The following GNAL variants were observed in gnomAD, a reference collection of about 807,000 sequenced individuals.
GNAL encodes guanine nucleotide-binding protein G(olf) subunit alpha.
Under a neutral mutation model 55.1 loss-of-function variants are expected in GNAL, and 18 were observed. The observed-to-expected ratio is 0.33, with a 90% confidence interval of 0.23 to 0.48. The LOEUF (loss-of-function observed/expected upper bound fraction) is 0.48, where lower values mean the gene tolerates loss of function less well. GNAL is among the 20% of genes least tolerant of loss of function. The probability of loss-of-function intolerance (pLI) is 0.99; values close to 1 mark genes in which losing one functional copy is unlikely to be tolerated. For missense variants in GNAL, 412 were observed against 614.1 expected, an observed-to-expected ratio of 0.67 and a Z score of 3.48; for synonymous variants, 253 against 237.0, an observed-to-expected ratio of 1.07 and a Z score of -0.62.
At chr18:11,739,813 A>G (rs1312505964) in intron 1 of GNAL, among the ~76,000 whole-genome samples, 1 of 150,760 alleles carries the variant, frequency 6.6e-6, no homozygotes, top group Non-Finnish European at 1.5e-5. Flanking sequence ...GTGATGACCC[A>G]ATTTGGTGTC....
chr18:11,789,991 A>T (rs1360231898), intron 4 of GNAL, among the ~76,000 whole-genome samples: 1 of 152,274 alleles, frequency 6.6e-6, no homozygotes, highest in Non-Finnish European at 1.5e-5. Context: ...GGTCAGACTC[A>T]GATCACTGAT....
At chr18:11,724,897 G>C (rs2032178860) in intron 1 of GNAL, among the ~76,000 whole-genome samples, 1 of 152,146 alleles carries the variant, frequency 6.6e-6, no homozygotes, top group African/African-American at 2.4e-5. Context: ...CAAAATCCTA[G>C]AGACTTGTGC....
In GNAL at chr18:11,796,596, C is replaced by CAAA. The variant is rs1334256873; in HGVS notation, c.625-28320_625-28318dup. On this transcript the variant is annotated intron_variant, in intron 4 of 11. Transcript: ENST00000334049. ...CTCACAAAAAAAAAAAAAAAAAAAACAAAACACGCAACCTTTCCATTGTCC... is the reference window on the plus strand; with the variant it reads ...CTCACAAAAAAAAAAAAAAAAAAAACAAAAAAACACGCAACCTTTCCATTGTCC... Among the ~76,000 whole-genome samples, 24 of 129,176 alleles carry CAAA rather than the reference C, an allele frequency of 1.9e-4. 4 individuals carry two copies. The highest frequency in any genetic ancestry group is 6.9e-4 in the East Asian group (3 of 4,374). The allele number at this position is 129,176 out of a possible 152,430, so 84.7% of individuals were successfully genotyped here.
At chr18:11,859,683 C>T (rs2036086551) in intron 5 of GNAL, among the ~76,000 whole-genome samples, 1 of 152,192 alleles carries the variant, frequency 6.6e-6, no homozygotes, top group Non-Finnish European at 1.5e-5. Flanking sequence ...GATCAGGGTC[C>T]CTTTGGCCTC....
chr18:11,768,189 T>G (rs2033471954), intron 4 of GNAL, among the ~76,000 whole-genome samples: 1 of 152,216 alleles, frequency 6.6e-6, no homozygotes, highest in African/African-American at 2.4e-5. Context: ...TAAATGTACA[T>G]AAAGCCACGT....
chr18:11,818,685 G>A (rs1009804444), intron 4 of GNAL, among the ~76,000 whole-genome samples: 3 of 152,318 alleles, frequency 2.0e-5, no homozygotes, highest in Admixed American at 6.5e-5. Flanking sequence ...GTGTCTGACC[G>A]AGGCTTTCAC....
chr18:11,729,824 G>T (rs557456101), intron 1 of GNAL, among the ~76,000 whole-genome samples: 3 of 152,114 alleles, frequency 2.0e-5, no homozygotes, highest in African/African-American at 7.2e-5. Context: ...TGATTAAGTC[G>T]CCCCGAGGCA....
At chr18:11,784,564 G>T (rs1254785637) in intron 4 of GNAL, among the ~76,000 whole-genome samples, 1 of 152,208 alleles carries the variant, frequency 6.6e-6, no homozygotes, top group Non-Finnish European at 1.5e-5. Context: ...GAAGCAGATT[G>T]TATAATTTTG....
chr18:11,739,689 A>G (rs1205507828), intron 1 of GNAL, among the ~76,000 whole-genome samples: 2 of 150,784 alleles, frequency 1.3e-5, no homozygotes, highest in Non-Finnish European at 3.0e-5. Context: ...CCTGACTTAA[A>G]TTCAGGAAAT....
chr18:11,812,762 T>G (rs2034849861), intron 4 of GNAL, among the ~76,000 whole-genome samples: 1 of 151,600 alleles, frequency 6.6e-6, no homozygotes, highest in Non-Finnish European at 1.5e-5. Flanking sequence ...GAGAATCACT[T>G]GAACCTGGGA....
chr18:11,727,719 T>G (rs541691989), intron 1 of GNAL, among the ~76,000 whole-genome samples: 1 of 152,372 alleles, frequency 6.6e-6, no homozygotes, highest in South Asian at 2.1e-4. Context: ...GGAGGAGTTT[T>G]TTTGACTCAG....
At chr18:11,878,996 A>G (rs1598451767) in intron 11 of GNAL, among the ~76,000 whole-genome samples, 1 of 151,672 alleles carries the variant, frequency 6.6e-6, no homozygotes, top group Non-Finnish European at 1.5e-5. Context: ...TAGGAGATAC[A>G]CCTAATGTAA....
intron 5 of GNAL, among the ~76,000 whole-genome samples, chr18:11,839,905 G>A (rs1306491558): frequency 6.6e-6 from 1 of 152,164 alleles, no homozygotes; most frequent in Non-Finnish European, 1.5e-5. Flanking sequence ...TTTTCAAATA[G>A]AACTTAAGGT....
intron 5 of GNAL, chr18:11,853,390 C>T (rs2035927670): frequency 1.2e-5 from 2 of 167,140 alleles, no homozygotes; most frequent in African/African-American, 4.8e-5. Context: ...GTATCCACCG[C>T]TTTCTCATAG....
chr18:11,773,749 G>T (rs190854496), intron 4 of GNAL, among the ~76,000 whole-genome samples: 2 of 152,192 alleles, frequency 1.3e-5, no homozygotes, highest in Non-Finnish European at 2.9e-5. Context: ...GCAGCACTGT[G>T]CTCTAGCCTG....
At chr18:11,775,566 A>G (rs899073653) in intron 4 of GNAL, among the ~76,000 whole-genome samples, 1 of 152,212 alleles carries the variant, frequency 6.6e-6, no homozygotes, top group South Asian at 2.1e-4. Context: ...ACCTCACCCA[A>G]AAAGATTCCT....
At chr18:11,692,415 G>A (rs1464417372) in intron 1 of GNAL, among the ~76,000 whole-genome samples, 3 of 152,202 alleles carry the variant, frequency 2.0e-5, no homozygotes, top group African/African-American at 4.8e-5. Context: ...AGGGACGCGG[G>A]CTGAGCGGTA....
intron 5 of GNAL, among the ~76,000 whole-genome samples, chr18:11,840,875 C>CTT (rs112505457): frequency 0.013 from 1,813 of 136,972 alleles, 45 homozygotes; most frequent in African/African-American, 0.046. Context: ...TTTTTCTTTT[C>CTT]TTTTTTTTTT....
In GNAL at chr18:11,885,216, G is replaced by A. The variant is rs1010831658; in HGVS notation, c.*4081G>A. On this transcript the variant is annotated 3_prime_UTR_variant, in exon 12 of 12. Coordinates refer to ENST00000334049, the MANE Select transcript of GNAL (RefSeq NM_182978.4). ...GTACCAGCATCATGAGCTGGATGCA[G>A]GAGCCCATGGCTGAAAGGAGTTAAA... 1.1e-5 allele frequency: 4 copies of A among 366,518 alleles called. No homozygotes were observed. Among genetic ancestry groups the A allele is most frequent in the African/African-American group, 2.2e-5 (1 of 45,352 alleles). 22.7% of individuals were successfully genotyped at this position (366,518 alleles called of 1,614,324 possible).
Sources: allele counts gnomAD v4.1 joint callset (sites outside exome capture counted in the v4.1 genomes callset), GRCh38; gene constraint gnomAD v4.1.1; transcripts MANE v1.5; gene names NCBI Gene and HGNC (gene_info 2026-07-23, HGNC 2026-07-21).